The following ABTB2 variants were observed in gnomAD, a reference collection of about 807,000 sequenced individuals.
The protein encoded by ABTB2 is ankyrin repeat and BTB domain containing 2.
A neutral mutation model predicts 104.1 loss-of-function variants in ABTB2; 56 were observed. That is an observed-to-expected ratio of 0.54 (90% CI 0.43 to 0.67). The LOEUF is 0.67. Among genes scored for constraint, ABTB2 ranks in the 30% least tolerant of loss-of-function variants. ABTB2 has a pLI of 0.00. For synonymous variants in ABTB2, 606 were observed against 608.2 expected (o/e 1.00, Z 0.05); for missense variants, 1,279 against 1,407.7 (o/e 0.91, Z 1.46).
intron 4 of ABTB2, 105 bp from the exon 5 acceptor site, chr11:34,171,176 G>T: frequency 8.0e-7 from 1 of 1,246,384 alleles, no homozygotes; most frequent in Non-Finnish European, 1.1e-6. Context: ...GGATGAGGAT[G>T]GGTGGGAAGC....
intron 3 of ABTB2, among the ~76,000 whole-genome samples, chr11:34,173,625 TA>T (rs1189381610): frequency 6.6e-6 from 1 of 152,178 alleles, no homozygotes; most frequent in Non-Finnish European, 1.5e-5. Context: ...CATGGGCCAT[TA>T]GCAGAACCTG....
chr11:34,307,295 T>G (rs1246594312), intron 1 of ABTB2, among the ~76,000 whole-genome samples: 1 of 152,218 alleles, frequency 6.6e-6, no homozygotes, highest in Non-Finnish European at 1.5e-5. Context: ...ATTAGGTCAC[T>G]TCTCTAAAAC....
intron 3 of ABTB2, among the ~76,000 whole-genome samples, chr11:34,188,292 C>T (rs771572304): frequency 1.3e-5 from 2 of 152,200 alleles, no homozygotes. Flanking sequence ...GCCTACTACA[C>T]ATGCCTGGGA....
chr11:34,328,549 A>T (rs1855095865), intron 1 of ABTB2, among the ~76,000 whole-genome samples: 2 of 152,212 alleles, frequency 1.3e-5, no homozygotes, highest in South Asian at 4.1e-4. Context: ...ACTGTACCTG[A>T]GCTAGTAACT....
At chr11:34,269,474 A>C (rs940479502) in intron 1 of ABTB2, among the ~76,000 whole-genome samples, 1 of 152,236 alleles carries the variant, frequency 6.6e-6, no homozygotes, top group African/African-American at 2.4e-5. Context: ...GACCTAGGCC[A>C]CAGCTTGGTA....
In ABTB2 at chr11:34,173,304, G is replaced by C. The variant is rs775058960; in HGVS notation, c.1248C>G (p.Pro416=). ...CCATGAGGGGCGGCAGCAGCATGAA[G>C]GGCCTGTGGGGCAGCAGAGAGAGGG... ...PPRMTLNNER[P]FMLLPPLMEW... is the part of the protein sequence containing the mutation. Residue 416 remains proline (P), a synonymous_variant, in exon 4 of 17, where the codon CCC becomes CCG. Transcript: ENST00000435224. The C allele has an allele frequency of 8.2e-6, 13 of 1,590,784 alleles. No homozygotes were observed. The South Asian group carries it at 1.5e-4, about 18-fold the overall frequency.
chr11:34,357,518 C>T lies in ABTB2; in HGVS notation c.66G>A (p.Gly22=), dbSNP rs1339345904. 1 of 1,539,708 alleles carries T rather than the reference C, an allele frequency of 6.5e-7. No individual in the cohort carries two copies. The highest frequency in any genetic ancestry group is 1.4e-5 in the African/African-American group (1 of 73,152). Residue 22 remains glycine, a synonymous_variant, in exon 1 of 17, where the codon GGG becomes GGA. Coordinates refer to ENST00000435224, the MANE Select transcript of ABTB2 (RefSeq NM_145804.3). ...LEDLTLDSGY[G]AGDSCRSLSL... Reference sequence around the variant, plus strand: ...TGAGCGAGCGGCACGAGTCCCCGGCCCCATACCCGGAGTCCAAGGTCAAGT... The same window carrying T: ...TGAGCGAGCGGCACGAGTCCCCGGCTCCATACCCGGAGTCCAAGGTCAAGT...
intron 1 of ABTB2, among the ~76,000 whole-genome samples, chr11:34,245,109 G>A (rs1475193062): frequency 6.6e-6 from 1 of 152,210 alleles, no homozygotes; most frequent in Non-Finnish European, 1.5e-5. Context: ...CTCCATAAAT[G>A]CTGGCTACTA....
At chr11:34,158,163 C>T (rs985210567) in intron 14 of ABTB2, among the ~76,000 whole-genome samples, 2 of 152,198 alleles carry the variant, frequency 1.3e-5, no homozygotes, top group African/African-American at 4.8e-5. Context: ...GCCTGTAATC[C>T]CAGCACTTTG....
At chr11:34,272,302 C>CAAAAAAAA (rs60997940) in intron 1 of ABTB2, among the ~76,000 whole-genome samples, 7 of 80,750 alleles carry the variant, frequency 8.7e-5, no homozygotes, top group East Asian at 4.1e-4. Context: ...CAGGAAGCTG[C>CAAAAAAAA]AAAAAAAAAA....
At position 34,357,692 on chromosome 11, in the gene ABTB2, CCT is replaced by C; in HGVS notation, c.-111_-110del. The C allele has an allele frequency of 1.7e-6, 2 of 1,201,458 alleles. No individual in the cohort carries two copies. Among genetic ancestry groups the C allele is most frequent in the Non-Finnish European group, 2.2e-6 (2 of 926,256 alleles). 74.4% of individuals were successfully genotyped at this position (1,201,458 alleles called of 1,614,324 possible). ...CTAGGCCCTCCGGGCCACCCTCCTT[CCT>C]CTCTGCGTCGCGGGGCTCGGCGGCC... On this transcript the variant is annotated 5_prime_UTR_variant, in exon 1 of 17. It removes the in-frame stop codon of an upstream open reading frame in the 5' UTR. Transcript: ENST00000435224.
At chr11:34,288,876 C>T (rs545513798) in intron 1 of ABTB2, among the ~76,000 whole-genome samples, 42 of 152,328 alleles carry the variant, frequency 2.8e-4, no homozygotes, top group African/African-American at 9.4e-4. Flanking sequence ...CTGGTCATAA[C>T]ATCAGCAGTG....
At position 34,302,502 on chromosome 11, in the gene ABTB2, C is replaced by T. The variant is rs150942532; in HGVS notation, c.883+54199G>A. Among the ~76,000 whole-genome samples, 130 of 152,350 alleles carry T rather than the reference C, an allele frequency of 8.5e-4. 2 individuals are homozygous for T. The highest frequency in any genetic ancestry group is 2.6e-3 in the African/African-American group (109 of 41,580). ...AGCCTCTGGTATGAGAAGGCCTGCT[C>T]ATTCCCCAGACCACAGAGGGGCTCA... is the stretch of plus-strand genomic sequence containing the variant. On this transcript the variant is annotated intron_variant, in intron 1 of 16. Transcript: ENST00000435224.
chr11:34,344,233 C>T (rs1855301689), intron 1 of ABTB2, among the ~76,000 whole-genome samples: 1 of 152,136 alleles, frequency 6.6e-6, no homozygotes, highest in Admixed American at 6.5e-5. Flanking sequence ...TTAAACAGCC[C>T]CCATTTTAAT....
At chr11:34,239,106 C>T (rs948231707) in intron 1 of ABTB2, among the ~76,000 whole-genome samples, 1 of 152,154 alleles carries the variant, frequency 6.6e-6, no homozygotes, top group African/African-American at 2.4e-5. Flanking sequence ...TTAGAAGCTC[C>T]ATGAAAGCCA....
chr11:34,238,776 C>T lies in ABTB2; in HGVS notation c.884-34086G>A, dbSNP rs181423893. Among the ~76,000 whole-genome samples the T allele has an allele frequency of 9.9e-5, 15 of 152,024 alleles. No homozygotes were observed. In the East Asian group the frequency reaches 2.3e-3, roughly 24 times the overall value. On this transcript the variant is annotated intron_variant, in intron 1 of 16. Transcript: ENST00000435224. ...ATCATTCTTTTTTTTTCTTTTGAGT[C>T]GGAGTCTCACTCTGTCGCCGAGGCT...
At chr11:34,310,185 C>T (rs768697261) in intron 1 of ABTB2, among the ~76,000 whole-genome samples, 7 of 152,132 alleles carry the variant, frequency 4.6e-5, no homozygotes, top group Non-Finnish European at 1.0e-4. Context: ...AGAAGTAATC[C>T]CTCATCCATA....
intron 1 of ABTB2, among the ~76,000 whole-genome samples, chr11:34,223,146 G>A (rs921200875): frequency 6.6e-6 from 1 of 152,176 alleles, no homozygotes; most frequent in African/African-American, 2.4e-5. Flanking sequence ...CAAGCGGAGA[G>A]TGAGTTTACG....
chr11:34,296,799 A>C (rs1253541058), intron 1 of ABTB2, among the ~76,000 whole-genome samples: 3 of 152,244 alleles, frequency 2.0e-5, no homozygotes, highest in Non-Finnish European at 4.4e-5. Flanking sequence ...AATGGCAATA[A>C]GGAGGATCCT....
Sources: gnomAD v4.1 joint callset for allele counts (sites outside exome capture counted in the v4.1 genomes callset) on GRCh38, gnomAD v4.1.1 for gene constraint, MANE v1.5 for transcripts, NCBI Gene and HGNC (gene_info 2026-07-23, HGNC 2026-07-21) for gene names.